The following RALGAPA2 variants were observed in gnomAD, a reference collection of about 807,000 sequenced individuals.
RALGAPA2 encodes ral GTPase-activating protein subunit alpha-2.
A neutral mutation model predicts 230.4 loss-of-function variants in RALGAPA2; 139 were observed. The observed-to-expected ratio is 0.60, with a 90% confidence interval of 0.53 to 0.69. RALGAPA2 has a LOEUF of 0.69. Among genes scored for constraint, RALGAPA2 ranks in the 30% least tolerant of loss-of-function variants. The probability of loss-of-function intolerance (pLI) is 0.00; values close to 1 mark genes in which losing one functional copy is unlikely to be tolerated. For missense variants in RALGAPA2, 2,163 were observed against 2,276.0 expected (o/e 0.95, Z 1.01); for synonymous variants, 847 against 837.8 (o/e 1.01, Z -0.19).
intron 15 of RALGAPA2, among the ~76,000 whole-genome samples, chr20:20,604,879 T>C (rs1440537340): frequency 6.6e-6 from 1 of 152,212 alleles, no homozygotes; most frequent in Non-Finnish European, 1.5e-5. Context: ...TAGGTTATTA[T>C]GAAGGTAAAA....
intron 35 of RALGAPA2, among the ~76,000 whole-genome samples, chr20:20,502,258 T>C (rs1195065645): frequency 6.6e-6 from 1 of 152,028 alleles, no homozygotes; most frequent in Non-Finnish European, 1.5e-5. Flanking sequence ...CATCTGTGGC[T>C]GCAGTGGTGA....
chr20:20,623,101 G>C (rs548395750), intron 10 of RALGAPA2, among the ~76,000 whole-genome samples: 1 of 152,248 alleles, frequency 6.6e-6, no homozygotes, highest in Admixed American at 6.5e-5. Context: ...TAGAAAGTAA[G>C]AAGACAGCAG....
intron 33 of RALGAPA2, among the ~76,000 whole-genome samples, chr20:20,507,866 T>G (rs1193556196): frequency 6.6e-6 from 1 of 152,216 alleles, no homozygotes; most frequent in Admixed American, 6.5e-5. Flanking sequence ...AGACTGTCTC[T>G]TTCAACAAAA....
chr20:20,544,204 G>A (rs937929195), intron 24 of RALGAPA2, among the ~76,000 whole-genome samples: 6 of 151,964 alleles, frequency 3.9e-5, no homozygotes, highest in Non-Finnish European at 5.9e-5. Flanking sequence ...AGAGGATCAC[G>A]AGATCAGGAG....
intron 37 of RALGAPA2, among the ~76,000 whole-genome samples, chr20:20,414,069 G>A (rs2122788114): frequency 6.6e-6 from 1 of 152,382 alleles, no homozygotes; most frequent in African/African-American, 2.4e-5. Context: ...GGCCTGAGTG[G>A]CCGTCTGGCG....
intron 36 of RALGAPA2, among the ~76,000 whole-genome samples, chr20:20,494,818 T>C (rs1159713593): frequency 6.6e-6 from 1 of 152,198 alleles, no homozygotes; most frequent in African/African-American, 2.4e-5. Flanking sequence ...AAGATACAAT[T>C]TTTCAAAAGT....
chr20:20,692,063 G>A (rs1384133385), intron 1 of RALGAPA2, among the ~76,000 whole-genome samples: 1 of 152,122 alleles, frequency 6.6e-6, no homozygotes, highest in African/African-American at 2.4e-5. Context: ...AGCTTCCTAA[G>A]GCCCTCAAAA....
At chr20:20,518,063 T>C (rs2062927138) in intron 31 of RALGAPA2, among the ~76,000 whole-genome samples, 1 of 151,592 alleles carries the variant, frequency 6.6e-6, no homozygotes, top group South Asian at 2.1e-4. Context: ...CATAAATAAT[T>C]TTTTTCCCCC....
chr20:20,533,574 G>T (rs1166096083), intron 26 of RALGAPA2, among the ~76,000 whole-genome samples: 1 of 152,054 alleles, frequency 6.6e-6, no homozygotes, highest in Non-Finnish European at 1.5e-5. Context: ...CTTCCAGAAG[G>T]TGATCAAGCT....
intron 33 of RALGAPA2, among the ~76,000 whole-genome samples, chr20:20,508,959 C>A (rs924687503): frequency 2.0e-5 from 3 of 152,208 alleles, no homozygotes; most frequent in African/African-American, 7.2e-5. Context: ...GGAGCTAATT[C>A]AATTGTACCT....
At chr20:20,428,344 G>GT (rs2060430093) in intron 37 of RALGAPA2, among the ~76,000 whole-genome samples, 1 of 152,166 alleles carries the variant, frequency 6.6e-6, no homozygotes, top group East Asian at 1.9e-4. Context: ...TATAACTGCA[G>GT]TATTACTTAA....
At chr20:20,486,704 A>C (rs2061921334) in intron 36 of RALGAPA2, among the ~76,000 whole-genome samples, 1 of 152,160 alleles carries the variant, frequency 6.6e-6, no homozygotes, top group Non-Finnish European at 1.5e-5. Context: ...TTCTCATTAC[A>C]TGTTGTTACA....
At chr20:20,521,439 G>A (rs1296876116) in intron 30 of RALGAPA2, among the ~76,000 whole-genome samples, 2 of 152,114 alleles carry the variant, frequency 1.3e-5, no homozygotes, top group African/African-American at 4.8e-5. Flanking sequence ...GGTGGGACAG[G>A]CCAATCACGG....
At chr20:20,690,243 A>G (rs2068854573) in intron 1 of RALGAPA2, among the ~76,000 whole-genome samples, 1 of 152,148 alleles carries the variant, frequency 6.6e-6, no homozygotes, top group South Asian at 2.1e-4. Flanking sequence ...AACATACTCA[A>G]GATAACCCTG....
At chr20:20,703,133 A>T (rs2069457193) in intron 1 of RALGAPA2, among the ~76,000 whole-genome samples, 1 of 152,094 alleles carries the variant, frequency 6.6e-6, no homozygotes, top group African/African-American at 2.4e-5. Context: ...AAATTGCACC[A>T]CTGAACTCCA....
Position 20,392,970 on chromosome 20 carries a change from T to G in RALGAPA2, c.*319A>C. On this transcript the variant is annotated 3_prime_UTR_variant, in exon 40 of 40. Transcript: ENST00000202677. ...ACGTGTCAGTGGGTTCATCTCTGGTTTTTGGTGACTTTTTCTTTTCTTCTT... is the reference window on the plus strand; with the variant it reads ...ACGTGTCAGTGGGTTCATCTCTGGTGTTTGGTGACTTTTTCTTTTCTTCTT... 1 of 953,236 alleles carries G rather than the reference T, an allele frequency of 1.0e-6. No individual in the cohort carries two copies. Among genetic ancestry groups the G allele is most frequent in the Non-Finnish European group, 1.4e-6 (1 of 704,292 alleles). 59.0% of individuals were successfully genotyped at this position (953,236 alleles called of 1,614,324 possible).
intron 33 of RALGAPA2, among the ~76,000 whole-genome samples, chr20:20,510,897 A>G (rs947217488): frequency 2.0e-5 from 3 of 152,226 alleles, no homozygotes; most frequent in Non-Finnish European, 4.4e-5. Context: ...TTGGCTTTAG[A>G]TAATATGGTA....
At chr20:20,411,013 A>G (rs1029277352) in intron 38 of RALGAPA2, among the ~76,000 whole-genome samples, 1 of 152,174 alleles carries the variant, frequency 6.6e-6, no homozygotes, top group African/African-American at 2.4e-5. Context: ...TGCATGGCTG[A>G]TTTTATTTGT....
intron 36 of RALGAPA2, among the ~76,000 whole-genome samples, chr20:20,479,230 T>C (rs73289144): frequency 0.019 from 2,885 of 152,252 alleles, 85 homozygotes; most frequent in African/African-American, 0.066. Context: ...TTCAAAATAA[T>C]AAAATTCAAA....
Sources: gnomAD v4.1 joint callset for allele counts (sites outside exome capture counted in the v4.1 genomes callset) on GRCh38, gnomAD v4.1.1 for gene constraint, MANE v1.5 for transcripts, NCBI Gene and HGNC (gene_info 2026-07-23, HGNC 2026-07-21) for gene names.